Variants in INSL6 observed in about 807,000 individuals in gnomAD.
INSL6 encodes insulin like 6, also known as insulin-like peptide INSL6.
Under a neutral mutation model 9.4 loss-of-function variants are expected in INSL6, and 16 were observed. That is an observed-to-expected ratio of 1.70 (90% CI 1.15 to 2.59). The LOEUF (loss-of-function observed/expected upper bound fraction) is 2.59, where lower values mean the gene tolerates loss of function less well. Among genes scored for constraint, INSL6 ranks in the 30% most tolerant of loss-of-function variants. The pLI is 0.00. For missense variants in INSL6, 391 were observed against 257.3 expected, an observed-to-expected ratio of 1.52 and a Z score of -3.56; for synonymous variants, 154 against 96.9, an observed-to-expected ratio of 1.59 and a Z score of -3.46.
the INSL6 span, among the ~76,000 whole-genome samples, chr9:5,074,737 C>G: frequency 6.6e-6 from 1 of 152,196 alleles, no homozygotes; most frequent in Non-Finnish European, 1.5e-5. Context: ...TCACCCGTCT[C>G]TCACTTTAAA....
chr9:5,050,563 G>A, the INSL6 span: 1 of 984,610 alleles, frequency 1.0e-6, no homozygotes, highest in Non-Finnish European at 1.5e-6. Flanking sequence ...GAGCCACTGA[G>A]CCTGGCCAAT....
chr9:5,012,396 TGTC>T, the INSL6 span, among the ~76,000 whole-genome samples: 1 of 152,128 alleles, frequency 6.6e-6, no homozygotes, highest in Non-Finnish European at 1.5e-5. Flanking sequence ...AGTTTATAAT[TGTC>T]GTCATCAGGA....
intron 1 of INSL6, among the ~76,000 whole-genome samples, chr9:5,179,866 A>T (rs1024806327): frequency 2.0e-5 from 3 of 152,180 alleles, no homozygotes; most frequent in Admixed American, 6.6e-5. Flanking sequence ...GGGAAGGGAA[A>T]GTATCAGGAG....
At chr9:5,117,357 T>G in the INSL6 span, among the ~76,000 whole-genome samples, 6 of 152,222 alleles carry the variant, frequency 3.9e-5, no homozygotes, top group Non-Finnish European at 7.3e-5. Flanking sequence ...GGGAATAACA[T>G]GGTGAGATTC....
chr9:5,087,198 G>A, the INSL6 span, among the ~76,000 whole-genome samples: 17 of 152,210 alleles, frequency 1.1e-4, no homozygotes, highest in African/African-American at 1.4e-4. Context: ...TTAATTGACT[G>A]ACAGTTACCC....
chr9:5,168,546 G>C (rs954110095), intron 1 of INSL6, among the ~76,000 whole-genome samples: 11 of 151,944 alleles, frequency 7.2e-5, no homozygotes, highest in Admixed American at 7.2e-4. Context: ...AGAATGAAAA[G>C]GAATGAATAA....
chr9:5,112,384 A>G, the INSL6 span: 1 of 425,776 alleles, frequency 2.3e-6, no homozygotes. Context: ...GCCACTGGGG[A>G]AATCAAGCGG....
At chr9:5,102,419 T>G in the INSL6 span, among the ~76,000 whole-genome samples, 25 of 152,300 alleles carry the variant, frequency 1.6e-4, 1 homozygote, top group African/African-American at 4.3e-4. Context: ...CATTTGATTG[T>G]TGTACCTGAA....
the INSL6 span, chr9:5,099,324 C>T: frequency 1.6e-4 from 25 of 152,306 alleles, no homozygotes; most frequent in Middle Eastern, 3.4e-3. Context: ...TCCACATCTA[C>T]ACTAAAATAT....
chr9:5,082,978 ATCTC>A, the INSL6 span, among the ~76,000 whole-genome samples: 2 of 152,204 alleles, frequency 1.3e-5, no homozygotes, highest in African/African-American at 2.4e-5. Flanking sequence ...TAACACACTG[ATCTC>A]TCTTTCTTTT....
intron 2 of INSL6, among the ~76,000 whole-genome samples, chr9:5,155,405 A>G (rs995513038): frequency 6.6e-6 from 1 of 151,518 alleles, no homozygotes; most frequent in African/African-American, 2.4e-5. Flanking sequence ...CAGCACACCA[A>G]CATGGCACAT....
the INSL6 span, chr9:5,054,546 TGC>T: frequency 6.5e-7 from 1 of 1,539,680 alleles, no homozygotes. The surrounding 1 kb of genome is among the most constrained non-coding windows in gnomAD (Gnocchi z 4.9). Context: ...TTTCTGTATG[TGC>T]TTTTTTATCC....
chr9:5,172,470 T>C (rs1273364790), intron 1 of INSL6, among the ~76,000 whole-genome samples: 1 of 152,124 alleles, frequency 6.6e-6, no homozygotes, highest in African/African-American at 2.4e-5. Flanking sequence ...AAGATCTAAT[T>C]AAACTAAAGA....
chr9:5,121,262 A>C (rs1464559219), downstream of INSL6, among the ~76,000 whole-genome samples: 1 of 152,176 alleles, frequency 6.6e-6, no homozygotes, highest in Non-Finnish European at 1.5e-5. Context: ...GAGATTTGCA[A>C]AGACAGAAGG....
the INSL6 span, among the ~76,000 whole-genome samples, chr9:5,096,186 A>G: frequency 6.6e-6 from 1 of 151,972 alleles, no homozygotes; most frequent in African/African-American, 2.4e-5. Flanking sequence ...AAAACACAAA[A>G]CCCATATTAC....
the INSL6 span, among the ~76,000 whole-genome samples, chr9:5,024,539 G>T: frequency 6.6e-6 from 1 of 151,936 alleles, no homozygotes; most frequent in African/African-American, 2.4e-5. Context: ...TTTCTTCTAA[G>T]TTCTGTTCCT....
chr9:5,056,434 T>A, the INSL6 span, among the ~76,000 whole-genome samples: 82 of 152,198 alleles, frequency 5.4e-4, no homozygotes, highest in African/African-American at 1.9e-3. Context: ...CCTATTAATG[T>A]TATTTGTCTA....
chr9:5,054,954 T>C, the INSL6 span: 64 of 1,192,690 alleles, frequency 5.4e-5, no homozygotes, highest in East Asian at 7.3e-4. This position sits in a 1 kb window ranked among gnomAD's most constrained non-coding sequence, Gnocchi z 4.9. Flanking sequence ...AAAGTAATTT[T>C]AATCATTTGC....
the INSL6 span, chr9:5,094,732 C>T: frequency 2.0e-5 from 3 of 152,098 alleles, no homozygotes; most frequent in African/African-American, 7.2e-5. Context: ...AGTTCATTTG[C>T]CCTCTTCTTT....
Sources: gnomAD v4.1 joint callset for allele counts (sites outside exome capture counted in the v4.1 genomes callset) on GRCh38, gnomAD v4.1.1 for gene constraint, Gnocchi (gnomAD v3.1) non-coding constraint, MANE v1.5 for transcripts, NCBI Gene and HGNC (gene_info 2026-07-23, HGNC 2026-07-21) for gene names.